The following PRKG1 variants were observed in gnomAD, a reference collection of about 807,000 sequenced individuals.
The protein encoded by PRKG1 is protein kinase cGMP-dependent 1.
PRKG1 carries 35 observed loss-of-function variants against 88.1 expected under a neutral mutation model. The observed-to-expected ratio is 0.40, with a 90% CI of 0.30 to 0.53. PRKG1 has a LOEUF of 0.53. Ranked by LOEUF, PRKG1 falls within the 20% of genes least tolerant of loss-of-function variation. The pLI, the probability that PRKG1 is intolerant of heterozygous loss-of-function variation, is 0.59. For synonymous variants in PRKG1, 303 were observed against 292.5 expected (o/e 1.04, Z -0.37); for missense variants, 540 against 839.8 (o/e 0.64, Z 4.41).
chr10:51,704,545 T>C (rs879000450), intron 3 of PRKG1, among the ~76,000 whole-genome samples: 1 of 152,160 alleles, frequency 6.6e-6, no homozygotes, highest in Admixed American at 6.5e-5. Flanking sequence ...TGCAATAAAG[T>C]ATGTAGAGAT....
At chr10:51,688,015 A>T (rs1400423965) in intron 3 of PRKG1, among the ~76,000 whole-genome samples, 1 of 152,074 alleles carries the variant, frequency 6.6e-6, no homozygotes, top group Non-Finnish European at 1.5e-5. Flanking sequence ...TTGGGTAAGG[A>T]TTTTTGCCAA....
chr10:51,467,653 A>C (rs1588987634), intron 2 of PRKG1, 70 bp from the exon 3 acceptor site: 2 of 1,272,132 alleles, frequency 1.6e-6, no homozygotes, highest in South Asian at 2.5e-5. Context: ...ACTCCTCTTC[A>C]CATTAAAAAT....
chr10:52,197,269 C>T (rs1362042508), intron 9 of PRKG1, among the ~76,000 whole-genome samples: 2 of 152,166 alleles, frequency 1.3e-5, no homozygotes, highest in Non-Finnish European at 2.9e-5. Flanking sequence ...ATACATTCCA[C>T]CCCAGCATGA....
intron 7 of PRKG1, among the ~76,000 whole-genome samples, chr10:52,109,175 G>T (rs190507185): frequency 3.3e-5 from 5 of 152,182 alleles, no homozygotes; most frequent in Middle Eastern, 3.4e-3. Context: ...GTCATCACAG[G>T]TCTCAGCGGG....
At chr10:51,392,974 C>T (rs1368361098) in intron 2 of PRKG1, among the ~76,000 whole-genome samples, 1 of 147,928 alleles carries the variant, frequency 6.8e-6, no homozygotes, top group Non-Finnish European at 1.5e-5. Flanking sequence ...CCCCACCTCC[C>T]TCCCGGACAG....
intron 3 of PRKG1, among the ~76,000 whole-genome samples, chr10:51,533,190 T>C (rs897375963): frequency 3.3e-5 from 5 of 152,254 alleles, no homozygotes; most frequent in African/African-American, 1.2e-4. Flanking sequence ...AACTTTAGTT[T>C]ATTAAAAGTT....
At chr10:51,507,432 T>C (rs1841253906) in intron 3 of PRKG1, among the ~76,000 whole-genome samples, 1 of 152,164 alleles carries the variant, frequency 6.6e-6, no homozygotes, top group Non-Finnish European at 1.5e-5. Context: ...AATTTGTGCT[T>C]GTATTCTTGC....
chr10:51,654,637 G>T (rs778483701), intron 3 of PRKG1, among the ~76,000 whole-genome samples: 3 of 152,210 alleles, frequency 2.0e-5, no homozygotes, highest in Non-Finnish European at 2.9e-5. Flanking sequence ...GGTTTTCCTT[G>T]TGTCATCTCT....
rs1589214644 is a variant in PRKG1 at position 51,699,930 on chromosome 10, G to A, written c.593-104655G>A. ...GGGGACTCTTCCCTTGACGTCAAAG[G>A]CGGTTTTGCTTCCGTTCCGCTGGCG... On this transcript the variant is annotated intron_variant, in intron 3 of 17. Coordinates refer to ENST00000373980, the MANE Select transcript of PRKG1 (RefSeq NM_006258.4). Among the ~76,000 whole-genome samples the A allele has an allele frequency of 2.6e-5, 4 of 152,346 alleles. No homozygotes were observed. In the South Asian group the frequency reaches 8.3e-4, roughly 32 times the overall value.
intron 1 of PRKG1, among the ~76,000 whole-genome samples, chr10:51,032,727 A>C (rs10822141): frequency 0.32 from 49,282 of 152,120 alleles, 8,132 homozygotes; most frequent in African/African-American, 0.39. Context: ...ACACTGCACT[A>C]CATGCAGTGG....
At chr10:51,549,916 C>T (rs1368372073) in intron 3 of PRKG1, among the ~76,000 whole-genome samples, 1 of 152,066 alleles carries the variant, frequency 6.6e-6, no homozygotes, top group African/African-American at 2.4e-5. Context: ...AGTGTCCTTG[C>T]AAGGGAGGTT....
At chr10:51,651,978 A>G in intron 3 of PRKG1, among the ~76,000 whole-genome samples, 1 of 152,342 alleles carries the variant, frequency 6.6e-6, no homozygotes, top group Middle Eastern at 3.4e-3. Context: ...TTCCATAAAT[A>G]CTTAAATTGA....
At chr10:51,561,442 C>T (rs1280307989) in intron 3 of PRKG1, among the ~76,000 whole-genome samples, 1 of 152,126 alleles carries the variant, frequency 6.6e-6, no homozygotes, top group Non-Finnish European at 1.5e-5. Context: ...TCAGTAATAA[C>T]CGTTTACTGA....
chr10:51,844,688 A>G (rs1202133508), intron 4 of PRKG1, among the ~76,000 whole-genome samples: 5 of 152,200 alleles, frequency 3.3e-5, no homozygotes, highest in Admixed American at 1.3e-4. Flanking sequence ...AAGAGCATCA[A>G]ACTTTGATAA....
intron 9 of PRKG1, among the ~76,000 whole-genome samples, chr10:52,200,356 C>T (rs1313305129): frequency 6.6e-6 from 1 of 152,120 alleles, no homozygotes; most frequent in Non-Finnish European, 1.5e-5. Context: ...TAATGGCCTC[C>T]AGCTCTATCT....
chr10:51,749,958 C>T (rs187316058), intron 3 of PRKG1, among the ~76,000 whole-genome samples: 2,515 of 136,100 alleles, frequency 0.018, 65 homozygotes, highest in African/African-American at 0.065. Context: ...TTTCCTGTGA[C>T]AGAGTCTTGC....
In PRKG1 at chr10:51,205,127, C is replaced by CTTTTTTTTTTTT. The variant is rs58176913; in HGVS notation, c.478+51816_478+51827dup. On this transcript the variant is annotated intron_variant, in intron 2 of 17. Coordinates refer to ENST00000373980, the MANE Select transcript of PRKG1 (RefSeq NM_006258.4). The stretch of plus-strand genomic sequence containing the variant: ...TAAGGAAGAATTTTCATTTTCTTTT[C>CTTTTTTTTTTTT]TTTTTTTTTTTTTTTTTTTTTTTTT... Among the ~76,000 whole-genome samples the CTTTTTTTTTTTT allele has an allele frequency of 6.9e-3, 441 of 63,918 alleles. 16 individuals carry two copies. Among genetic ancestry groups the CTTTTTTTTTTTT allele is most frequent in the Non-Finnish European group, 8.9e-3 (295 of 33,190 alleles). The allele number at this position is 63,918 out of a possible 152,430, so 41.9% of individuals were successfully genotyped here. A position where few individuals can be genotyped will look rare whatever the true frequency, so the allele number is the denominator to read the frequency against.
At chr10:51,568,390 T>C (rs1243769054) in intron 3 of PRKG1, 2 of 151,562 alleles carry the variant, frequency 1.3e-5, no homozygotes, top group African/African-American at 4.9e-5. Context: ...CATTTTTTCA[T>C]ATATTTTTTA....
intron 3 of PRKG1, among the ~76,000 whole-genome samples, chr10:51,753,320 G>A (rs1311602458): frequency 1.3e-5 from 2 of 151,974 alleles, no homozygotes; most frequent in East Asian, 1.9e-4. Context: ...ATACCAATTC[G>A]TTTAGATTAT....
Sources: allele counts gnomAD v4.1 joint callset (sites outside exome capture counted in the v4.1 genomes callset), GRCh38; gene constraint gnomAD v4.1.1; transcripts MANE v1.5; gene names NCBI Gene and HGNC (gene_info 2026-07-23, HGNC 2026-07-21).